The following BTBD9 variants were observed in gnomAD, a reference collection of about 807,000 sequenced individuals.
BTBD9 encodes BTB domain containing 9.
A neutral mutation model predicts 64.3 loss-of-function variants in BTBD9; 49 were observed. The observed-to-expected ratio is 0.76, with a 90% CI of 0.61 to 0.97. The LOEUF (loss-of-function observed/expected upper bound fraction) is 0.97. BTBD9 is among the 50% of genes least tolerant of loss of function. The pLI, the probability that BTBD9 is intolerant of heterozygous loss-of-function variation, is 0.00. For synonymous variants in BTBD9, 260 were observed against 274.7 expected (o/e 0.95, Z 0.53); for missense variants, 598 against 762.1 (o/e 0.78, Z 2.53).
At chr6:38,270,959 G>A (rs1278620403) in intron 8 of BTBD9, among the ~76,000 whole-genome samples, 1 of 152,148 alleles carries the variant, frequency 6.6e-6, no homozygotes, top group Admixed American at 6.5e-5. Flanking sequence ...ATAGGGGAAA[G>A]GAGGGAGATG....
intron 6 of BTBD9, among the ~76,000 whole-genome samples, chr6:38,355,000 A>G (rs140803612): frequency 6.6e-6 from 1 of 152,228 alleles, no homozygotes; most frequent in East Asian, 1.9e-4. Context: ...ATAATACACT[A>G]TCCCAGGGAC....
intron 6 of BTBD9, among the ~76,000 whole-genome samples, chr6:38,515,046 A>G (rs1362770028): frequency 6.6e-6 from 1 of 152,210 alleles, no homozygotes; most frequent in East Asian, 1.9e-4. Context: ...ATTTAATTCT[A>G]AAGTATTTGG....
At chr6:38,468,499 T>G (rs1770497088) in intron 6 of BTBD9, among the ~76,000 whole-genome samples, 1 of 152,220 alleles carries the variant, frequency 6.6e-6, no homozygotes, top group South Asian at 2.1e-4. Flanking sequence ...ATAAATATCG[T>G]AAGGAAACCT....
intron 6 of BTBD9, among the ~76,000 whole-genome samples, chr6:38,429,810 A>G (rs1488318896): frequency 6.6e-6 from 1 of 152,058 alleles, no homozygotes. Flanking sequence ...CTTTGCATAG[A>G]GAATTTCTCC....
chr6:38,592,875 T>A (rs1345642687), intron 3 of BTBD9, 35 bp from the exon 4 acceptor site: 1 of 1,605,662 alleles, frequency 6.2e-7, no homozygotes, highest in African/African-American at 1.3e-5. Flanking sequence ...TCCAGTTATA[T>A]GAAGTTCAAC....
intron 6 of BTBD9, among the ~76,000 whole-genome samples, chr6:38,356,151 T>C (rs1406352781): frequency 6.6e-6 from 1 of 152,138 alleles, no homozygotes; most frequent in Non-Finnish European, 1.5e-5. Flanking sequence ...TCTACATCCC[T>C]TATATTCTGA....
intron 9 of BTBD9, among the ~76,000 whole-genome samples, chr6:38,234,238 C>G (rs1003638383): frequency 2.6e-5 from 4 of 152,200 alleles, no homozygotes; most frequent in African/African-American, 4.8e-5. Context: ...GCCTTCGTCT[C>G]CAGGAAGCTC....
At chr6:38,355,779 C>T (rs1219543712) in intron 6 of BTBD9, among the ~76,000 whole-genome samples, 4 of 152,178 alleles carry the variant, frequency 2.6e-5, no homozygotes, top group African/African-American at 2.4e-5. Flanking sequence ...CATCTCTCTC[C>T]TGTGTTAAAC....
intron 6 of BTBD9, among the ~76,000 whole-genome samples, chr6:38,425,543 A>G (rs1200926785): frequency 1.3e-5 from 2 of 151,900 alleles, no homozygotes; most frequent in African/African-American, 4.9e-5. Flanking sequence ...TTCTACGTGT[A>G]AAGTACATAT....
At chr6:38,371,485 A>G (rs2127605239) in intron 6 of BTBD9, among the ~76,000 whole-genome samples, 1 of 152,342 alleles carries the variant, frequency 6.6e-6, no homozygotes, top group East Asian at 1.9e-4. Context: ...CACATGACAG[A>G]CAGGCCCATT....
chr6:38,337,710 G>C (rs1763948427), intron 7 of BTBD9, among the ~76,000 whole-genome samples: 1 of 152,220 alleles, frequency 6.6e-6, no homozygotes, highest in Admixed American at 6.5e-5. Flanking sequence ...CCTGTTGGAA[G>C]GAGCCCCCTT....
intron 6 of BTBD9, among the ~76,000 whole-genome samples, chr6:38,492,899 C>T (rs990567347): frequency 2.6e-5 from 4 of 152,100 alleles, no homozygotes; most frequent in Non-Finnish European, 5.9e-5. Flanking sequence ...AAGGAGTTGG[C>T]AAATTATGTT....
chr6:38,444,671 G>A (rs184410293), intron 6 of BTBD9, among the ~76,000 whole-genome samples: 7 of 152,038 alleles, frequency 4.6e-5, no homozygotes, highest in Non-Finnish European at 8.8e-5. Context: ...GGATAAAAAG[G>A]GTACCTTTTT....
chr6:38,386,694 G>A (rs1265358106), intron 6 of BTBD9, among the ~76,000 whole-genome samples: 1 of 138,720 alleles, frequency 7.2e-6, no homozygotes, highest in Non-Finnish European at 1.5e-5. Flanking sequence ...CCAGGCTGAA[G>A]TGCAGTAGTA....
intron 7 of BTBD9, among the ~76,000 whole-genome samples, chr6:38,304,009 C>T (rs188519424): frequency 4.7e-5 from 7 of 149,258 alleles, no homozygotes; most frequent in Non-Finnish European, 1.0e-4. Context: ...TTGATCTCGA[C>T]ATAATTATTC....
chr6:38,588,518 G>T, intron 4 of BTBD9: 1 of 826,556 alleles, frequency 1.2e-6, no homozygotes, highest in South Asian at 2.1e-5. Context: ...ACCTGGACCT[G>T]GTTATCGATA....
intron 6 of BTBD9, among the ~76,000 whole-genome samples, chr6:38,444,173 G>A (rs1300773063): frequency 1.3e-5 from 2 of 152,162 alleles, no homozygotes; most frequent in Non-Finnish European, 2.9e-5. Flanking sequence ...TAAATCCCCT[G>A]GCCATGTGTC....
At chr6:38,475,581 C>A (rs1282669177) in intron 6 of BTBD9, among the ~76,000 whole-genome samples, 1 of 152,158 alleles carries the variant, frequency 6.6e-6, no homozygotes, top group Non-Finnish European at 1.5e-5. Flanking sequence ...TCACTGTTTT[C>A]TGGTTTTTTG....
chr6:38,403,142 G>A (rs1767015462), intron 6 of BTBD9, among the ~76,000 whole-genome samples: 1 of 151,322 alleles, frequency 6.6e-6, no homozygotes. Context: ...GAGAAGAGAA[G>A]AAAAGGAAAG....
Sources: allele counts gnomAD v4.1 joint callset (sites outside exome capture counted in the v4.1 genomes callset), GRCh38; gene constraint gnomAD v4.1.1; transcripts MANE v1.5; gene names NCBI Gene and HGNC (gene_info 2026-07-23, HGNC 2026-07-21).